Variants in RPS6KC1 observed in about 807,000 individuals in gnomAD.
The protein encoded by RPS6KC1 is ribosomal protein S6 kinase C1.
A neutral mutation model predicts 103.8 loss-of-function variants in RPS6KC1; 54 were observed. The observed-to-expected ratio is 0.52, with a 90% CI of 0.42 to 0.65. The LOEUF is 0.65. Among genes scored for constraint, RPS6KC1 ranks in the 30% least tolerant of loss-of-function variants. RPS6KC1 has a pLI of 0.00. For missense variants in RPS6KC1, 1,151 were observed against 1,253.8 expected, an observed-to-expected ratio of 0.92 and a Z score of 1.24; for synonymous variants, 439 against 438.7, an observed-to-expected ratio of 1.00 and a Z score of -0.01.
chr1:213,071,095 T>G, intron 2 of RPS6KC1, 54 bp downstream of exon 2: 1 of 1,121,998 alleles, frequency 8.9e-7, no homozygotes, highest in South Asian at 1.5e-5. Context: ...TTTAACTAAA[T>G]GCTTTTTTGA....
intron 14 of RPS6KC1, among the ~76,000 whole-genome samples, chr1:213,265,104 A>G (rs753619109): frequency 1.3e-5 from 2 of 152,216 alleles, no homozygotes; most frequent in Admixed American, 6.5e-5. Context: ...TCTGTTGCCT[A>G]TTCTTCAGGA....
At chr1:213,259,993 C>G (rs778309777) in intron 12 of RPS6KC1, among the ~76,000 whole-genome samples, 9 of 152,136 alleles carry the variant, frequency 5.9e-5, no homozygotes, top group Non-Finnish European at 1.2e-4. Flanking sequence ...CCTGCCTCAG[C>G]CTCCCAAAGT....
the RPS6KC1 span, among the ~76,000 whole-genome samples, chr1:213,452,240 G>A: frequency 6.6e-6 from 1 of 151,334 alleles, no homozygotes; most frequent in African/African-American, 2.4e-5. Context: ...ACAAACCAAA[G>A]CAAAACAGAC....
At chr1:213,567,396 T>G in the RPS6KC1 span, among the ~76,000 whole-genome samples, 1 of 152,218 alleles carries the variant, frequency 6.6e-6, no homozygotes, top group African/African-American at 2.4e-5. Flanking sequence ...CCCGACTCCA[T>G]GTGGACACTT....
intron 3 of RPS6KC1, among the ~76,000 whole-genome samples, chr1:213,079,868 A>G (rs1047441340): frequency 2.0e-5 from 3 of 151,718 alleles, no homozygotes; most frequent in African/African-American, 7.3e-5. Context: ...TTTTTTTTCA[A>G]GTACTTATAT....
the RPS6KC1 span, among the ~76,000 whole-genome samples, chr1:213,445,670 A>G: frequency 6.6e-6 from 1 of 152,182 alleles, no homozygotes; most frequent in Non-Finnish European, 1.5e-5. Flanking sequence ...TTACTGGGAA[A>G]ACAAAACACA....
At chr1:213,712,352 G>T in the RPS6KC1 span, among the ~76,000 whole-genome samples, 1 of 152,112 alleles carries the variant, frequency 6.6e-6, no homozygotes, top group Admixed American at 6.5e-5. Flanking sequence ...AGCAATGGCA[G>T]ATGCCCCTCC....
the RPS6KC1 span, among the ~76,000 whole-genome samples, chr1:213,699,542 A>G: frequency 9.9e-5 from 15 of 152,178 alleles, no homozygotes; most frequent in Non-Finnish European, 2.1e-4. Context: ...TCTATCCAAT[A>G]TACTGATTTC....
chr1:213,440,114 A>G, the RPS6KC1 span, among the ~76,000 whole-genome samples: 1 of 152,096 alleles, frequency 6.6e-6, no homozygotes, highest in Non-Finnish European at 1.5e-5. Flanking sequence ...AATCAGATAC[A>G]TTGCACAGCA....
At chr1:213,836,374 G>A in the RPS6KC1 span, among the ~76,000 whole-genome samples, 1 of 152,104 alleles carries the variant, frequency 6.6e-6, no homozygotes, top group African/African-American at 2.4e-5. Context: ...TCATGTGGAA[G>A]AATATCTATG....
the RPS6KC1 span, among the ~76,000 whole-genome samples, chr1:213,298,757 TTTATAA>T: frequency 6.6e-6 from 1 of 152,204 alleles, no homozygotes; most frequent in Non-Finnish European, 1.5e-5. Context: ...TTATTCTTGT[TTTATAA>T]TGTAATTTTT....
the RPS6KC1 span, among the ~76,000 whole-genome samples, chr1:213,393,180 C>T: frequency 6.6e-6 from 1 of 152,150 alleles, no homozygotes; most frequent in Non-Finnish European, 1.5e-5. Flanking sequence ...CTCCCTCAAC[C>T]CCCTCATACT....
At chr1:213,105,074 GTTA>G (rs1357504706) in intron 4 of RPS6KC1, among the ~76,000 whole-genome samples, 1 of 151,876 alleles carries the variant, frequency 6.6e-6, no homozygotes, top group African/African-American at 2.4e-5. Context: ...TATTAAATTT[GTTA>G]TTATGTTGAC....
At chr1:213,518,531 A>G in the RPS6KC1 span, among the ~76,000 whole-genome samples, 25 of 152,310 alleles carry the variant, frequency 1.6e-4, 1 homozygote, top group South Asian at 2.7e-3. Flanking sequence ...TGACACCTTG[A>G]TTTCAGACTT....
At chr1:213,218,908 A>G (rs1436449038) in intron 8 of RPS6KC1, among the ~76,000 whole-genome samples, 1 of 152,254 alleles carries the variant, frequency 6.6e-6, no homozygotes, top group Non-Finnish European at 1.5e-5. Flanking sequence ...TAAAACTGTA[A>G]AAGCCCTAGA....
At chr1:213,766,268 AG>A in the RPS6KC1 span, among the ~76,000 whole-genome samples, 1 of 152,190 alleles carries the variant, frequency 6.6e-6, no homozygotes, top group Non-Finnish European at 1.5e-5. Context: ...GCAATTTTTC[AG>A]GGTCCCAGAA....
At chr1:213,079,899 T>C (rs1248226739) in intron 3 of RPS6KC1, among the ~76,000 whole-genome samples, 1 of 151,648 alleles carries the variant, frequency 6.6e-6, no homozygotes, top group African/African-American at 2.4e-5. Flanking sequence ...AATAAGCTTA[T>C]ACCATTTTTT....
the RPS6KC1 span, among the ~76,000 whole-genome samples, chr1:213,649,886 TG>T: frequency 1.3e-5 from 2 of 152,222 alleles, no homozygotes; most frequent in Non-Finnish European, 2.9e-5. Flanking sequence ...TGCCTTGTGA[TG>T]GTCCTTGTAA....
At chr1:213,626,864 C>G in the RPS6KC1 span, among the ~76,000 whole-genome samples, 1 of 152,054 alleles carries the variant, frequency 6.6e-6, no homozygotes, top group Non-Finnish European at 1.5e-5. Context: ...TAGCGTGATG[C>G]CTCCAGCTTT....
Sources: allele counts gnomAD v4.1 joint callset (sites outside exome capture counted in the v4.1 genomes callset), GRCh38; gene constraint gnomAD v4.1.1; transcripts MANE v1.5; gene names NCBI Gene and HGNC (gene_info 2026-07-23, HGNC 2026-07-21).